TMOD3: variants seen among roughly 807,000 people sequenced by gnomAD.
TMOD3 encodes tropomodulin-3.
In TMOD3, 20 loss-of-function variants were observed where a neutral mutation model predicts 39.2. The observed-to-expected ratio is 0.51, with a 90% CI of 0.36 to 0.74. The LOEUF is 0.74. Ranked by LOEUF, TMOD3 falls within the 30% of genes least tolerant of loss-of-function variation. TMOD3 has a pLI of 0.00. For missense variants in TMOD3, 381 were observed against 412.8 expected (o/e 0.92, Z 0.67); for synonymous variants, 143 against 145.8 (o/e 0.98, Z 0.14).
At chr15:51,830,682 A>G (rs568950305) in intron 1 of TMOD3, among the ~76,000 whole-genome samples, 23 of 152,326 alleles carry the variant, frequency 1.5e-4, no homozygotes, top group African/African-American at 5.5e-4. Flanking sequence ...AGTTATGTGC[A>G]GCCTCCCTTG....
In TMOD3 at chr15:51,896,524, A is replaced by T; in HGVS notation, c.733A>T (p.Thr245Ser). The change falls in exon 7 of 10, where the codon ACT becomes TCT. Residue 245 changes from threonine to serine, a missense_variant and splice_region_variant. Physicochemically the swap from Thr to Ser is moderately conservative, Grantham distance 58. Transcript: ENST00000308580. ...AATRSNDPVA[T>S]AFAEMLKVNK... ...CACCCGGAGCAATGACCCTGTTGCT[A>T]CTGTAAGTAAGCGACTTGAGAATAT... The T allele has an allele frequency of 6.2e-7, 1 of 1,609,876 alleles. No homozygotes were observed. Among genetic ancestry groups the T allele is most frequent in the Non-Finnish European group, 8.5e-7 (1 of 1,176,818 alleles).
rs1419358620 is a variant in TMOD3 at position 51,909,525 on chromosome 15, T to G, written c.*715T>G. 1 of 152,614 alleles carries G rather than the reference T, an allele frequency of 6.6e-6. No individual in the cohort carries two copies. Among genetic ancestry groups the G allele is most frequent in the African/African-American group, 2.4e-5 (1 of 41,434 alleles). 9.5% of individuals were successfully genotyped at this position (152,614 alleles called of 1,614,324 possible). A position where few individuals can be genotyped will look rare whatever the true frequency, so the allele number is the denominator to read the frequency against. ...AGTTCATTCCAGTGTTTCATTTTAA[T>G]AATGTGGGCATTATTAAATTTTTGT... On this transcript the variant is annotated 3_prime_UTR_variant, in exon 10 of 10. Coordinates refer to ENST00000308580, the MANE Select transcript of TMOD3 (RefSeq NM_014547.5).
intron 7 of TMOD3, among the ~76,000 whole-genome samples, chr15:51,898,469 G>A (rs928965938): frequency 1.3e-5 from 2 of 151,520 alleles, no homozygotes; most frequent in African/African-American, 4.9e-5. Context: ...TTTATTATCT[G>A]TGTCCCTCCC....
At chr15:51,886,535 G>A (rs1382225343) in intron 3 of TMOD3, among the ~76,000 whole-genome samples, 2 of 152,340 alleles carry the variant, frequency 1.3e-5, no homozygotes, top group East Asian at 3.9e-4. Context: ...GCGTGGCGGT[G>A]CGCGCCCGCA....
At chr15:51,863,090 T>A in intron 2 of TMOD3, 80 bp downstream of exon 2, 1 of 1,463,386 alleles carries the variant, frequency 6.8e-7, no homozygotes, top group Non-Finnish European at 9.3e-7. Context: ...AGCTTTTCCA[T>A]GACTTTTCTC....
rs115511307 is a variant in TMOD3, at chr15:51,883,524, G to A, written c.284-4065G>A. 2.6e-3 allele frequency among the ~76,000 whole-genome samples: 390 copies of A among 152,176 alleles called. 4 individuals are homozygous for A. The highest frequency in any genetic ancestry group is 9.1e-3 in the African/African-American group (377 of 41,504). ...TAACTTTTTTTTACATGTACACATT[G>A]TGGAATAGCTAAATTAAATTTGACA... is the stretch of plus-strand genomic sequence containing the variant. On this transcript the variant is annotated intron_variant, in intron 3 of 9. Coordinates refer to ENST00000308580, the MANE Select transcript of TMOD3 (RefSeq NM_014547.5).
chr15:51,842,303 G>A (rs768469618), intron 1 of TMOD3, among the ~76,000 whole-genome samples: 16 of 152,146 alleles, frequency 1.1e-4, no homozygotes, highest in Non-Finnish European at 1.8e-4. Flanking sequence ...GAATACCCTA[G>A]CTCATGTCAC....
chr15:51,885,130 G>C (rs1463453084), intron 3 of TMOD3, among the ~76,000 whole-genome samples: 2 of 152,162 alleles, frequency 1.3e-5, no homozygotes, highest in African/African-American at 2.4e-5. Flanking sequence ...AGTTGTGTGA[G>C]TACATCTTGT....
At chr15:51,889,400 A>G (rs1474771073) in intron 5 of TMOD3, among the ~76,000 whole-genome samples, 17 of 152,100 alleles carry the variant, frequency 1.1e-4, no homozygotes, top group African/African-American at 3.1e-4. Flanking sequence ...AGCTAGTCCA[A>G]CTTGGTTTTG....
chr15:51,861,235 C>A, intron 1 of TMOD3: 2 of 419,088 alleles, frequency 4.8e-6, no homozygotes, highest in South Asian at 4.3e-5. Flanking sequence ...CCAATGTGCT[C>A]TAGCTGTTCC....
In TMOD3 at chr15:51,879,060, T is replaced by C. The variant is rs186215209; in HGVS notation, c.284-8529T>C. ...GTAAAGAAAGGTCCTGGCAATGGAA[T>C]TGTTAACATGGATCACAGTATTTCT... On this transcript the variant is annotated intron_variant, in intron 3 of 9. Coordinates refer to ENST00000308580, the MANE Select transcript of TMOD3 (RefSeq NM_014547.5). Among the ~76,000 whole-genome samples, 1,228 of 152,318 alleles carry C rather than the reference T, an allele frequency of 8.1e-3. 4 individuals carry two copies. The highest frequency in any genetic ancestry group is 0.013 in the Non-Finnish European group (905 of 68,026).
intron 6 of TMOD3, among the ~76,000 whole-genome samples, chr15:51,894,171 C>T (rs2141704061): frequency 6.6e-6 from 1 of 152,262 alleles, no homozygotes; most frequent in South Asian, 2.1e-4. Flanking sequence ...AATGTAAACC[C>T]TACAAACTGT....
rs186843767 is a variant in TMOD3 at position 51,876,815 on chromosome 15, T to C, written c.283+7442T>C. 3.3e-5 allele frequency among the ~76,000 whole-genome samples: 5 copies of C among 152,170 alleles called. No individual in the cohort carries two copies. In the East Asian group the frequency reaches 9.7e-4, roughly 29 times the overall value. ...CCGTCCAGGCATGATGGCTCACACC[T>C]GTAATTGCGGCACTGCGGGAGGATC... is the stretch of plus-strand genomic sequence containing the variant. On this transcript the variant is annotated intron_variant, in intron 3 of 9. Coordinates refer to ENST00000308580, the MANE Select transcript of TMOD3 (RefSeq NM_014547.5).
chr15:51,892,101 A>G (rs755367395), intron 5 of TMOD3, among the ~76,000 whole-genome samples: 6 of 152,156 alleles, frequency 3.9e-5, no homozygotes, highest in Non-Finnish European at 7.3e-5. Context: ...GAAAGTAACA[A>G]GATACTCTTA....
intron 3 of TMOD3, among the ~76,000 whole-genome samples, chr15:51,877,523 C>G (rs984445298): frequency 1.3e-5 from 2 of 151,756 alleles, no homozygotes; most frequent in African/African-American, 4.8e-5. Context: ...ACTAAAAATA[C>G]AAAAAAATTA....
intron 1 of TMOD3, 115 bp from the exon 2 acceptor site, chr15:51,862,696 T>C: frequency 2.6e-6 from 1 of 383,048 alleles, no homozygotes; most frequent in Non-Finnish European, 4.5e-6. Context: ...GTATGTGATA[T>C]GTGATCAAAG....
chr15:51,838,964 G>T (rs1429157805), intron 1 of TMOD3, among the ~76,000 whole-genome samples: 3 of 152,164 alleles, frequency 2.0e-5, no homozygotes, highest in Non-Finnish European at 4.4e-5. Context: ...TGTGAAAGAT[G>T]TGGCTTTGTT....
intron 1 of TMOD3, 83 bp from the exon 2 acceptor site, chr15:51,862,728 A>T (rs1485994329): frequency 3.6e-6 from 2 of 555,100 alleles, no homozygotes; most frequent in Admixed American, 3.9e-5. Context: ...CATGGAAATT[A>T]CATTTCACTT....
intron 5 of TMOD3, among the ~76,000 whole-genome samples, chr15:51,890,336 A>AT (rs2056586132): frequency 7.8e-6 from 1 of 127,522 alleles, no homozygotes; most frequent in South Asian, 2.5e-4. Flanking sequence ...TTGTCCAGCT[A>AT]ATTTTTTTTT....
Sources: allele counts gnomAD v4.1 joint callset (sites outside exome capture counted in the v4.1 genomes callset), GRCh38; gene constraint gnomAD v4.1.1; transcripts MANE v1.5; gene names NCBI Gene and HGNC (gene_info 2026-07-23, HGNC 2026-07-21).